Variants in MAML2 observed in about 807,000 individuals in gnomAD.
The protein encoded by MAML2 is mastermind like transcriptional coactivator 2.
A neutral mutation model predicts 96.1 loss-of-function variants in MAML2; 22 were observed. That is an observed-to-expected ratio of 0.23 (90% CI 0.16 to 0.33). The LOEUF is 0.33. MAML2 is among the 10% of genes least tolerant of loss of function. The probability of loss-of-function intolerance (pLI) is 1.00; values close to 1 mark genes in which losing one functional copy is unlikely to be tolerated. For synonymous variants in MAML2, 561 were observed against 521.3 expected (o/e 1.08, Z -1.04); for missense variants, 1,367 against 1,392.4 (o/e 0.98, Z 0.29).
intron 1 of MAML2, among the ~76,000 whole-genome samples, chr11:96,176,927 CA>C (rs1163543990): frequency 6.6e-6 from 1 of 152,108 alleles, no homozygotes; most frequent in Non-Finnish European, 1.5e-5. Context: ...CGCTATATGC[CA>C]AGCACCATCC....
At chr11:95,984,317 C>T (rs1031096084) in intron 4 of MAML2, among the ~76,000 whole-genome samples, 1 of 152,158 alleles carries the variant, frequency 6.6e-6, no homozygotes, top group African/African-American at 2.4e-5. Flanking sequence ...TCAGAACATA[C>T]CCCCAACATT....
chr11:96,291,115 C>CTTTT (rs58889757), intron 1 of MAML2, among the ~76,000 whole-genome samples: 13 of 69,026 alleles, frequency 1.9e-4, no homozygotes, highest in Non-Finnish European at 2.1e-4. Flanking sequence ...TTTCACAAGC[C>CTTTT]TTTTTTTTTT....
rs143978799 is a variant in MAML2 at position 96,243,041 on chromosome 11, CACACACACACATACACAT to C, written c.513+98324_513+98341del. ...TCTGCTTCTCCAGTTCAGGGACACA[CACACACACACATACACAT>C]ACACACACACCCCCTCTTTGTTAAA... is the stretch of plus-strand genomic sequence containing the variant. On this transcript the variant is annotated intron_variant, in intron 1 of 4. Transcript: ENST00000524717. Among the ~76,000 whole-genome samples, 489 of 151,790 alleles carry C rather than the reference CACACACACACATACACAT, an allele frequency of 3.2e-3. 9 individuals are homozygous for C. The East Asian group carries it at 0.074, about 23-fold the overall frequency.
intron 1 of MAML2, among the ~76,000 whole-genome samples, chr11:96,287,209 A>G (rs185157076): frequency 2.4e-4 from 36 of 152,344 alleles, no homozygotes; most frequent in Middle Eastern, 3.4e-3. Flanking sequence ...AGAAAGTGAA[A>G]AGCAATAGCT....
intron 1 of MAML2, among the ~76,000 whole-genome samples, chr11:96,216,292 GT>G (rs1226610398): frequency 6.6e-6 from 1 of 152,168 alleles, no homozygotes; most frequent in African/African-American, 2.4e-5. Flanking sequence ...TTTTCAGTCT[GT>G]AGTTTGACTT....
At chr11:96,323,622 T>TCA (rs1218008424) in intron 1 of MAML2, among the ~76,000 whole-genome samples, 6 of 152,224 alleles carry the variant, frequency 3.9e-5, no homozygotes, top group South Asian at 2.1e-4. Flanking sequence ...TGAGGCCCAC[T>TCA]CACAGTATAA....
intron 2 of MAML2, among the ~76,000 whole-genome samples, chr11:96,075,232 C>T (rs1477875464): frequency 4.6e-5 from 7 of 152,126 alleles, no homozygotes; most frequent in African/African-American, 1.7e-4. Flanking sequence ...TGATACTGTG[C>T]TATCCTGGTA....
chr11:96,165,726 A>G (rs1861179363), intron 1 of MAML2, among the ~76,000 whole-genome samples: 1 of 152,248 alleles, frequency 6.6e-6, no homozygotes, highest in South Asian at 2.1e-4. Context: ...TTACGCTCTC[A>G]CAGCAGAGTA....
At chr11:96,281,485 C>T (rs1039416463) in intron 1 of MAML2, among the ~76,000 whole-genome samples, 2 of 152,040 alleles carry the variant, frequency 1.3e-5, no homozygotes, top group Non-Finnish European at 2.9e-5. Flanking sequence ...GCCCAGGAAT[C>T]CCTGGGGTCT....
At chr11:96,304,535 G>A (rs977642384) in intron 1 of MAML2, among the ~76,000 whole-genome samples, 2 of 152,184 alleles carry the variant, frequency 1.3e-5, no homozygotes, top group African/African-American at 2.4e-5. Context: ...ATGGTCCCCC[G>A]ATCCAGCCAA....
intron 1 of MAML2, among the ~76,000 whole-genome samples, chr11:96,126,482 A>T (rs1219476594): frequency 6.6e-6 from 1 of 152,156 alleles, no homozygotes; most frequent in Non-Finnish European, 1.5e-5. Flanking sequence ...GAATCACTTG[A>T]ACCCAGGAGG....
rs1864012506 is a variant in MAML2 at position 96,342,505 on chromosome 11, T to C, written c.-610A>G. 5.0e-6 allele frequency: 2 copies of C among 398,502 alleles called. No homozygotes were observed. The highest frequency in any genetic ancestry group is 8.8e-6 in the Non-Finnish European group (2 of 226,008). The allele number at this position is 398,502 out of a possible 1,614,324, so 24.7% of individuals were successfully genotyped here. ...GTTTCAGAAGATGTTTAAGTCACTG[T>C]TCAAAATGTGCAAAAATCAAGGGAG... On this transcript the variant is annotated 5_prime_UTR_variant, in exon 1 of 5. Transcript: ENST00000524717.
intron 1 of MAML2, among the ~76,000 whole-genome samples, chr11:96,180,783 G>A (rs142058584): frequency 0.018 from 2,708 of 152,310 alleles, 93 homozygotes; most frequent in African/African-American, 0.061. Context: ...GGCTTTGTGT[G>A]AGCAATAAAG....
intron 1 of MAML2, among the ~76,000 whole-genome samples, chr11:96,279,695 C>T (rs1473563253): frequency 6.6e-6 from 1 of 152,138 alleles, no homozygotes; most frequent in Non-Finnish European, 1.5e-5. Context: ...TATGGCTCAC[C>T]TGTGTCCTTG....
chr11:96,157,334 A>G (rs1861025187), intron 1 of MAML2, among the ~76,000 whole-genome samples: 2 of 152,226 alleles, frequency 1.3e-5, no homozygotes, highest in African/African-American at 4.8e-5. Flanking sequence ...AGCATCTTGG[A>G]GCTTTGCCTG....
chr11:96,078,132 A>C (rs1177096378), intron 2 of MAML2, among the ~76,000 whole-genome samples: 1 of 152,226 alleles, frequency 6.6e-6, no homozygotes, highest in South Asian at 2.1e-4. Context: ...TTTCCATAGC[A>C]AAGTGCTCTG....
At chr11:96,036,279 A>C (rs1858710654) in intron 2 of MAML2, among the ~76,000 whole-genome samples, 1 of 152,180 alleles carries the variant, frequency 6.6e-6, no homozygotes, top group Non-Finnish European at 1.5e-5. Flanking sequence ...AGGGCCCAAG[A>C]AAAAAGATGG....
intron 1 of MAML2, among the ~76,000 whole-genome samples, chr11:96,173,485 C>A (rs1436515093): frequency 6.6e-6 from 1 of 152,128 alleles, no homozygotes; most frequent in Non-Finnish European, 1.5e-5. Flanking sequence ...GAACCATCCA[C>A]ACAGAAATGG....
intron 1 of MAML2, among the ~76,000 whole-genome samples, chr11:96,316,368 C>T (rs919482191): frequency 6.6e-5 from 10 of 152,098 alleles, no homozygotes; most frequent in African/African-American, 2.2e-4. Flanking sequence ...ACAGAAAATG[C>T]AGGTTGTAAC....
Sources: gnomAD v4.1 joint callset for allele counts (sites outside exome capture counted in the v4.1 genomes callset) on GRCh38, gnomAD v4.1.1 for gene constraint, MANE v1.5 for transcripts, NCBI Gene and HGNC (gene_info 2026-07-23, HGNC 2026-07-21) for gene names.